SHANK2: variants seen among roughly 807,000 people sequenced by gnomAD.
SHANK2 encodes SH3 and multiple ankyrin repeat domains 2.
SHANK2 carries 43 observed loss-of-function variants against 133.7 expected under a neutral mutation model. The ratio of observed to expected loss-of-function variants is 0.32; its 90% CI spans 0.25 to 0.41. The LOEUF is 0.41. Among genes scored for constraint, SHANK2 ranks in the 10% least tolerant of loss-of-function variants. The pLI, the probability that SHANK2 is intolerant of heterozygous loss-of-function variation, is 1.00. For synonymous variants in SHANK2, 1,017 were observed against 952.8 expected, an observed-to-expected ratio of 1.07 and a Z score of -1.24; for missense variants, 1,994 against 2,235.8, an observed-to-expected ratio of 0.89 and a Z score of 2.18.
chr11:70,930,659 C>CTTTTTTTTTTTTTTTTTTTT (rs367913415), intron 10 of SHANK2, among the ~76,000 whole-genome samples: 29 of 114,132 alleles, frequency 2.5e-4, no homozygotes, highest in Non-Finnish European at 3.9e-4. Context: ...ATTTCTTTGT[C>CTTTTTTTTTTTTTTTTTTTT]TTTTTTTTTT....
At chr11:70,704,987 C>A (rs1004590829) in intron 14 of SHANK2, among the ~76,000 whole-genome samples, 2 of 152,158 alleles carry the variant, frequency 1.3e-5, no homozygotes, top group Non-Finnish European at 2.9e-5. Flanking sequence ...CCCCACCCAC[C>A]AGCATTGTCT....
At chr11:71,056,156 C>T (rs1004229322) in intron 10 of SHANK2, among the ~76,000 whole-genome samples, 1 of 152,120 alleles carries the variant, frequency 6.6e-6, no homozygotes, top group Non-Finnish European at 1.5e-5. Flanking sequence ...GATGGAGGGG[C>T]GGCAGAGCCA....
chr11:71,209,112 C>T (rs781892435), intron 2 of SHANK2, among the ~76,000 whole-genome samples: 2 of 152,170 alleles, frequency 1.3e-5, no homozygotes, highest in African/African-American at 4.8e-5. Flanking sequence ...CCTCTCAGGC[C>T]CTGGCTCTGC....
intron 14 of SHANK2, among the ~76,000 whole-genome samples, chr11:70,785,790 T>C (rs1430134788): frequency 6.6e-6 from 1 of 152,184 alleles, no homozygotes; most frequent in Non-Finnish European, 1.5e-5. Context: ...GCCTTGGGCA[T>C]CATCCCCCAT....
At chr11:71,240,240 T>C (rs1954871916) in intron 1 of SHANK2, among the ~76,000 whole-genome samples, 1 of 152,132 alleles carries the variant, frequency 6.6e-6, no homozygotes, top group African/African-American at 2.4e-5. Context: ...CCGAGGTCCA[T>C]TGTTCTCCAA....
chr11:70,922,996 T>C (rs782693122), intron 10 of SHANK2, among the ~76,000 whole-genome samples: 5 of 152,132 alleles, frequency 3.3e-5, no homozygotes, highest in Non-Finnish European at 7.4e-5. Flanking sequence ...TTACGATTAA[T>C]GAGTTAAAGT....
chr11:70,777,654 G>A (rs1947395422), intron 14 of SHANK2, among the ~76,000 whole-genome samples: 1 of 152,180 alleles, frequency 6.6e-6, no homozygotes. Context: ...CTCTCATGGA[G>A]GGTAGTAAAC....
chr11:70,629,678 G>A (rs1166869018), intron 17 of SHANK2, among the ~76,000 whole-genome samples: 1 of 152,268 alleles, frequency 6.6e-6, no homozygotes, highest in Admixed American at 6.5e-5. Context: ...GGGTGCTGCC[G>A]TCAGGAAGGT....
At chr11:70,879,590 C>G (rs1412198516) in intron 11 of SHANK2, among the ~76,000 whole-genome samples, 1 of 152,224 alleles carries the variant, frequency 6.6e-6, no homozygotes, top group Admixed American at 6.5e-5. Context: ...TTTTCTTCAG[C>G]TCCAATACCC....
intron 9 of SHANK2, among the ~76,000 whole-genome samples, chr11:71,057,121 G>A (rs1950930631): frequency 1.3e-5 from 2 of 152,124 alleles, no homozygotes; most frequent in Admixed American, 6.5e-5. Context: ...AATCACCTGA[G>A]GTCAGGAGCT....
At chr11:70,632,484 T>C (rs1472334833) in intron 17 of SHANK2, among the ~76,000 whole-genome samples, 1 of 152,118 alleles carries the variant, frequency 6.6e-6, no homozygotes, top group African/African-American at 2.4e-5. Flanking sequence ...TGGGAAACAC[T>C]TCTGAGTCAG....
intron 25 of SHANK2, chr11:70,474,262 C>T (rs1424763841): frequency 2.6e-5 from 4 of 152,552 alleles, no homozygotes; most frequent in Admixed American, 6.5e-5. Context: ...GACACACGGG[C>T]CTTACTGAAA....
intron 2 of SHANK2, among the ~76,000 whole-genome samples, chr11:71,203,793 G>T (rs1017767604): frequency 2.0e-4 from 30 of 152,128 alleles, no homozygotes; most frequent in African/African-American, 7.0e-4. Flanking sequence ...ACCTCTCAGG[G>T]GCCTGGGGAC....
chr11:70,848,643 C>T (rs1483647491), intron 11 of SHANK2, among the ~76,000 whole-genome samples: 1 of 152,186 alleles, frequency 6.6e-6, no homozygotes, highest in Non-Finnish European at 1.5e-5. Context: ...GCGATTTGAC[C>T]ACAGACCTGT....
intron 14 of SHANK2, among the ~76,000 whole-genome samples, chr11:70,750,737 A>T (rs1336020451): frequency 6.6e-6 from 1 of 152,168 alleles, no homozygotes; most frequent in Non-Finnish European, 1.5e-5. Flanking sequence ...TCAGAAAAGA[A>T]CTAAGAGATA....
At chr11:70,792,480 C>A (rs782777535) in intron 14 of SHANK2, among the ~76,000 whole-genome samples, 1 of 152,192 alleles carries the variant, frequency 6.6e-6, no homozygotes, top group Non-Finnish European at 1.5e-5. Flanking sequence ...TGTTTGTTAT[C>A]CCCAACCTCC....
chr11:70,609,664 A>G (rs1159926434), intron 17 of SHANK2, among the ~76,000 whole-genome samples: 1 of 151,790 alleles, frequency 6.6e-6, no homozygotes, highest in Non-Finnish European at 1.5e-5. Context: ...TATATTGTAT[A>G]TACTGTATAT....
chr11:71,210,664 C>A (rs1035010280), intron 2 of SHANK2, among the ~76,000 whole-genome samples: 4 of 152,130 alleles, frequency 2.6e-5, no homozygotes, highest in Non-Finnish European at 5.9e-5. Flanking sequence ...CAGCTGGAGA[C>A]CAGATCACTC....
chr11:70,535,041 G>T lies in SHANK2; in HGVS notation c.2062-32110C>A, dbSNP rs1483004552. On this transcript the variant is annotated intron_variant, in intron 17 of 25. Coordinates refer to ENST00000601538, the MANE Select transcript of SHANK2 (RefSeq NM_012309.5). The surrounding 1 kb of genome is among the most constrained non-coding windows in gnomAD (Gnocchi z 4.3). ...GGGTGGTCCTCAGCTCTCACACTCT[G>T]CTTCCCACCCATGTTGAACAGGGCA... Among the ~76,000 whole-genome samples the T allele has an allele frequency of 2.6e-5, 4 of 152,188 alleles. No homozygotes were observed. The highest frequency in any genetic ancestry group is 9.7e-5 in the African/African-American group (4 of 41,436).
Sources: allele counts gnomAD v4.1 joint callset (sites outside exome capture counted in the v4.1 genomes callset), GRCh38; gene constraint gnomAD v4.1.1; non-coding constraint Gnocchi (gnomAD v3.1); transcripts MANE v1.5; gene names NCBI Gene and HGNC (gene_info 2026-07-23, HGNC 2026-07-21).